PTS: variants seen among roughly 807,000 people sequenced by gnomAD.
PTS encodes 6-pyruvoyl tetrahydrobiopterin synthase.
A neutral mutation model predicts 20.6 loss-of-function variants in PTS; 23 were observed. The ratio of observed to expected loss-of-function variants is 1.12; its 90% CI spans 0.80 to 1.58. The LOEUF (loss-of-function observed/expected upper bound fraction) is 1.58, where lower values mean the gene tolerates loss of function less well. Among genes scored for constraint, PTS ranks in the 40% most tolerant of loss-of-function variants. The probability of loss-of-function intolerance (pLI) is 0.00; values close to 1 mark genes in which losing one functional copy is unlikely to be tolerated. For missense variants in PTS, 186 were observed against 182.4 expected (o/e 1.02, Z -0.11); for synonymous variants, 65 against 62.5 (o/e 1.04, Z -0.19).
Position 112,233,530 on chromosome 11 carries a change from A to G in PTS, c.413A>G (p.Asn138Ser). Residue 138 changes from asparagine (N) to serine (S), a missense_variant, in exon 6 of 6, where the codon AAT becomes AGT. By Grantham distance (46) the Asn-to-Ser change is conservative (BLOSUM62 1). Transcript: ENST00000280362. The part of the protein sequence containing the change: ...YKVKVYETDN[N>S]IVVYKGE Reference sequence around the variant, plus strand: ...GTAAAAGTATACGAAACTGACAATAATATTGTGGTTTATAAAGGAGAATAG... The same window carrying G: ...GTAAAAGTATACGAAACTGACAATAGTATTGTGGTTTATAAAGGAGAATAG... The G allele has an allele frequency of 6.2e-7, 1 of 1,613,768 alleles. No homozygotes were observed.
chr11:112,226,927 C>T (rs1315114552), intron 1 of PTS, among the ~76,000 whole-genome samples: 1 of 151,124 alleles, frequency 6.6e-6, no homozygotes, highest in Non-Finnish European at 1.5e-5. Flanking sequence ...GGCGTAGACA[C>T]TCAGTAAATG....
At chr11:112,227,653 G>C (rs943852196) in intron 1 of PTS, among the ~76,000 whole-genome samples, 1 of 152,026 alleles carries the variant, frequency 6.6e-6, no homozygotes, top group Non-Finnish European at 1.5e-5. Flanking sequence ...GAGCAAGAGA[G>C]AGGAGAGGAG....
In PTS at chr11:112,230,626, A is replaced by AT. The variant is rs1566816174; in HGVS notation, c.189dup (p.Asp64Ter). 1.9e-6 allele frequency: 3 copies of AT among 1,608,324 alleles called. No individual in the cohort carries two copies. The highest frequency in any genetic ancestry group is 2.6e-6 in the Non-Finnish European group (3 of 1,174,762). The stretch of plus-strand genomic sequence containing the variant: ...ATATTCACCTTTGTTTATTCTTTAG[A>AT]TTGACCCTGCTACGGGAATGGTTAT... On this transcript the variant is annotated frameshift_variant and splice_region_variant, in exon 4 of 6. Transcript: ENST00000280362. LOFTEE classifies it high-confidence loss of function.
chr11:112,230,423 T>C (rs1438973937), intron 3 of PTS, 193 bp downstream of exon 3: 1 of 817,562 alleles, frequency 1.2e-6, no homozygotes, highest in Non-Finnish European at 2.1e-6. Flanking sequence ...ATGCTGTATG[T>C]GGACAGGTAG....
intron 4 of PTS, 24 bp downstream of exon 4, chr11:112,230,706 T>G: frequency 6.3e-7 from 1 of 1,580,636 alleles, no homozygotes; most frequent in South Asian, 1.1e-5. Flanking sequence ...GGGTGCTTAT[T>G]ATGTGCTATT....
rs1217646354 is a variant in PTS at position 112,227,833 on chromosome 11, T to C, written c.84-761T>C. Among the ~76,000 whole-genome samples the C allele has an allele frequency of 8.0e-5, 12 of 150,524 alleles. No homozygotes were observed. The East Asian group carries it at 2.2e-3, about 27-fold the overall frequency. On this transcript the variant is annotated intron_variant, in intron 1 of 5. Transcript: ENST00000280362. ...TGGGGATCACATTTCAACATGACAA[T>C]TGGAGGGGACAAACATCCAAACTAC... is the stretch of plus-strand genomic sequence containing the variant.
chr11:112,231,175 C>T (rs374948853), intron 4 of PTS, among the ~76,000 whole-genome samples: 5 of 152,114 alleles, frequency 3.3e-5, no homozygotes, highest in South Asian at 2.1e-4. Flanking sequence ...TGCTCCTGGC[C>T]TTCTCCTTGG....
At chr11:112,230,570 A>T in intron 3 of PTS, 56 bp from the exon 4 acceptor site, 1 of 1,455,702 alleles carries the variant, frequency 6.9e-7, no homozygotes, top group African/African-American at 1.4e-5. Flanking sequence ...ATAATTTGCC[A>T]GCCGTTTAAT....
intron 3 of PTS, 193 bp from the exon 4 acceptor site, chr11:112,230,433 G>C (rs1411209620): frequency 1.3e-6 from 1 of 798,124 alleles, no homozygotes. Flanking sequence ...TGGACAGGTA[G>C]AAGGGCTATA....
chr11:112,230,560 A>G (rs1859917029), intron 3 of PTS, 66 bp from the exon 4 acceptor site: 1 of 1,386,712 alleles, frequency 7.2e-7, no homozygotes, highest in Non-Finnish European at 1.0e-6. Context: ...ACTGCCTTTA[A>G]TAATTTGCCA....
intron 2 of PTS, among the ~76,000 whole-genome samples, chr11:112,229,661 G>GGATT (rs1217218662): frequency 1.3e-5 from 2 of 152,098 alleles, no homozygotes; most frequent in Non-Finnish European, 1.5e-5. Context: ...CGAAGTGCTG[G>GGATT]GATTACAGGC....
At position 112,228,571 on chromosome 11, in the gene PTS, CTTTTT is replaced by C; in HGVS notation, c.84-11_84-7del. 9 of 1,376,704 alleles carry C rather than the reference CTTTTT, an allele frequency of 6.5e-6. No individual in the cohort carries two copies. The highest frequency in any genetic ancestry group is 2.4e-5 in the East Asian group (1 of 41,972). The allele number at this position is 1,376,704 out of a possible 1,614,324, so 85.3% of individuals were successfully genotyped here. A position where few individuals can be genotyped will look rare whatever the true frequency, so the allele number is the denominator to read the frequency against. The stretch of plus-strand genomic sequence containing the variant: ...GAATGTGATACTTGTGTCATGCTGA[CTTTTT>C]TTTTTTTTTTTGGTCAGTAAATTTC... On this transcript the variant is annotated intron_variant, in intron 1 of 5. Transcript: ENST00000280362.
At chr11:112,228,568 T>G in intron 1 of PTS, 26 bp from the exon 2 acceptor site, 5 of 1,542,526 alleles carry the variant, frequency 3.2e-6, no homozygotes, top group Non-Finnish European at 4.4e-6. Flanking sequence ...TGTGTCATGC[T>G]GACTTTTTTT....
At chr11:112,227,380 G>C (rs1294378766) in intron 1 of PTS, among the ~76,000 whole-genome samples, 1 of 152,132 alleles carries the variant, frequency 6.6e-6, no homozygotes. Context: ...AGGGTACACT[G>C]AGAAAATTTT....
Position 112,233,949 on chromosome 11 carries a change from G to T in PTS, c.*394G>T, listed in dbSNP as rs1210530337. On this transcript the variant is annotated 3_prime_UTR_variant, in exon 6 of 6. Transcript: ENST00000280362. Reference sequence around the variant, plus strand: ...TGACTTCGAGTAGGTGAATCTTAAAGAAATAAAATTCAAGTGACCACAAAG... The same window carrying T: ...TGACTTCGAGTAGGTGAATCTTAAATAAATAAAATTCAAGTGACCACAAAG... 6.3e-6 allele frequency: 1 copy of T among 159,158 alleles called. No individual in the cohort carries two copies. The highest frequency in any genetic ancestry group is 1.9e-4 in the East Asian group (1 of 5,384). The allele number at this position is 159,158 out of a possible 1,614,324, so 9.9% of individuals were successfully genotyped here.
chr11:112,228,831 G>C, intron 2 of PTS, 158 bp downstream of exon 2: 2 of 713,522 alleles, frequency 2.8e-6, no homozygotes, highest in Non-Finnish European at 4.7e-6. Flanking sequence ...AGGATCTGTT[G>C]TCTTGGTTGG....
intron 1 of PTS, among the ~76,000 whole-genome samples, chr11:112,227,834 T>C (rs756573532): frequency 2.7e-5 from 4 of 150,398 alleles, no homozygotes; most frequent in Non-Finnish European, 5.9e-5. Context: ...ACATGACAAT[T>C]GGAGGGGACA....
At chr11:112,227,129 C>T (rs530684873) in intron 1 of PTS, among the ~76,000 whole-genome samples, 2 of 151,728 alleles carry the variant, frequency 1.3e-5, no homozygotes, top group Non-Finnish European at 2.9e-5. Context: ...GAATCCCGAT[C>T]ATACATACTG....
chr11:112,228,853 GTTTTACC>G, intron 2 of PTS, 180 bp downstream of exon 2: 1 of 640,494 alleles, frequency 1.6e-6, no homozygotes, highest in Non-Finnish European at 2.7e-6. Flanking sequence ...TGTGTGTTAA[GTTTTACC>G]TTGCAATGTC....
Sources: allele counts gnomAD v4.1 joint callset (sites outside exome capture counted in the v4.1 genomes callset), GRCh38; gene constraint gnomAD v4.1.1; transcripts MANE v1.5; gene names NCBI Gene and HGNC (gene_info 2026-07-23, HGNC 2026-07-21).